ACSL1: variants seen among roughly 807,000 people sequenced by gnomAD.
The protein encoded by ACSL1 is long-chain-fatty-acid--CoA ligase 1.
In ACSL1, 41 loss-of-function variants were observed where a neutral mutation model predicts 98.4. The observed-to-expected ratio is 0.42, with a 90% CI of 0.32 to 0.54. ACSL1 has a LOEUF of 0.54. Among genes scored for constraint, ACSL1 ranks in the 20% least tolerant of loss-of-function variants. The pLI, the probability that ACSL1 is intolerant of heterozygous loss-of-function variation, is 0.13. For missense variants in ACSL1, 734 were observed against 883.1 expected, an observed-to-expected ratio of 0.83 and a Z score of 2.14; for synonymous variants, 316 against 322.7, an observed-to-expected ratio of 0.98 and a Z score of 0.22.
chr4:184,786,865 T>G (rs1447568738), intron 3 of ACSL1, among the ~76,000 whole-genome samples: 1 of 152,070 alleles, frequency 6.6e-6, no homozygotes, highest in East Asian at 1.9e-4. Context: ...AGCTAACTTT[T>G]GTATTTTTAG....
At chr4:184,806,006 T>C (rs1490837288) in intron 1 of ACSL1, among the ~76,000 whole-genome samples, 7 of 152,242 alleles carry the variant, frequency 4.6e-5, no homozygotes, top group Non-Finnish European at 7.3e-5. Context: ...CAGAGCATGC[T>C]GACAGCAGAT....
At chr4:184,810,837 C>G (rs1002456670) in intron 1 of ACSL1, among the ~76,000 whole-genome samples, 5 of 152,150 alleles carry the variant, frequency 3.3e-5, no homozygotes, top group Non-Finnish European at 7.3e-5. Context: ...AGGTGCTGTG[C>G]TACGGGACTG....
At position 184,803,582 on chromosome 4, in the gene ACSL1, G is replaced by A. The variant is rs1241566295; in HGVS notation, c.-32-36C>T. 7.3e-7 allele frequency: 1 copy of A among 1,362,254 alleles called. No individual in the cohort carries two copies. Among genetic ancestry groups the A allele is most frequent in the Admixed American group, 2.8e-5 (1 of 35,388 alleles). The allele number at this position is 1,362,254 out of a possible 1,614,324, so 84.4% of individuals were successfully genotyped here. A position where few individuals can be genotyped will look rare whatever the true frequency, so the allele number is the denominator to read the frequency against. On this transcript the variant is annotated intron_variant, in intron 1 of 20. Coordinates refer to ENST00000281455, the MANE Select transcript of ACSL1 (RefSeq NM_001995.5). The surrounding 1 kb of genome is among the most constrained non-coding windows in gnomAD (Gnocchi z 4.8). ...AGAAAAATGTCACGTTCGTTCCAGG[G>A]AAGCAGGACCCCTCTCCAGAACTCC...
intron 1 of ACSL1, among the ~76,000 whole-genome samples, chr4:184,824,940 A>C (rs1259879891): frequency 6.6e-6 from 1 of 152,232 alleles, no homozygotes; most frequent in Non-Finnish European, 1.5e-5. Context: ...AATGGGTGGC[A>C]GAAACTGCAA....
At chr4:184,761,113 AC>A (rs1762800467) in intron 17 of ACSL1, among the ~76,000 whole-genome samples, 4 of 151,924 alleles carry the variant, frequency 2.6e-5, no homozygotes, top group Non-Finnish European at 5.9e-5. Context: ...CCCCGGGGCC[AC>A]TCTCATGCCT....
intron 18 of ACSL1, among the ~76,000 whole-genome samples, chr4:184,759,672 A>C (rs1242287098): frequency 1.3e-5 from 2 of 152,198 alleles, no homozygotes; most frequent in Non-Finnish European, 2.9e-5. Flanking sequence ...ATCATTAAAA[A>C]GTCAGGAAAC....
chr4:184,788,249 T>A (rs1051582915), intron 3 of ACSL1: 3 of 359,864 alleles, frequency 8.3e-6, no homozygotes, highest in Non-Finnish European at 1.6e-5. Flanking sequence ...GATGTCAGTA[T>A]TTCTTTCTCA....
intron 2 of ACSL1, among the ~76,000 whole-genome samples, chr4:184,792,414 A>G (rs10022018): frequency 0.52 from 78,482 of 151,990 alleles, 21,254 homozygotes; most frequent in African/African-American, 0.67. Flanking sequence ...GGCTCTATGA[A>G]AAGACCACAC....
intron 10 of ACSL1, among the ~76,000 whole-genome samples, 191 bp from the exon 11 acceptor site, chr4:184,770,667 T>C (rs1399329588): frequency 6.6e-6 from 1 of 152,074 alleles, no homozygotes; most frequent in Non-Finnish European, 1.5e-5. Context: ...GTAACACACC[T>C]GCACGTTGTG....
At chr4:184,770,022 T>C (rs1424239641) in intron 11 of ACSL1, among the ~76,000 whole-genome samples, 1 of 152,288 alleles carries the variant, frequency 6.6e-6, no homozygotes, top group East Asian at 1.9e-4. Context: ...CTGGGCTTTG[T>C]AGAACTGAAT....
At chr4:184,810,064 A>G (rs1242661575) in intron 1 of ACSL1, among the ~76,000 whole-genome samples, 2 of 152,198 alleles carry the variant, frequency 1.3e-5, no homozygotes, top group Non-Finnish European at 2.9e-5. Flanking sequence ...GAACAGGAGA[A>G]ATTTTGTCCT....
intron 7 of ACSL1, among the ~76,000 whole-genome samples, chr4:184,774,830 A>G (rs553826424): frequency 4.7e-4 from 72 of 152,346 alleles, no homozygotes; most frequent in Non-Finnish European, 9.3e-4. Context: ...TAAATGATGT[A>G]GTGACAGACC....
In ACSL1 at chr4:184,766,626, A is replaced by G. The variant is rs1442833590; in HGVS notation, c.1259T>C (p.Val420Ala). Residue 420 changes from valine to alanine, a missense_variant, in exon 13 of 21, where the codon GTA becomes GCA. By Grantham distance (64) the Val-to-Ala change is moderately conservative. Coordinates refer to ENST00000281455, the MANE Select transcript of ACSL1 (RefSeq NM_001995.5). This position sits in a 1 kb window ranked among gnomAD's most constrained non-coding sequence, Gnocchi z 4.8. ...TGGCTGTGAGTCACGTGTTACCTGT[A>G]CTTTGTGGAAGATCAGCCGGTCCCA... Reference protein sequence around the residue: ...SLWDRLIFHKVQSSLGGRVRL... With the variant: ...SLWDRLIFHKAQSSLGGRVRL... 1 of 1,613,948 alleles carries G rather than the reference A, an allele frequency of 6.2e-7. No homozygotes were observed.
intron 1 of ACSL1, among the ~76,000 whole-genome samples, chr4:184,804,934 G>A (rs527784676): frequency 7.9e-5 from 12 of 152,268 alleles, no homozygotes; most frequent in Admixed American, 2.6e-4. Context: ...AGAAGCTTCT[G>A]CACAGCAAAA....
At chr4:184,783,411 AG>A in intron 4 of ACSL1, among the ~76,000 whole-genome samples, 1 of 152,280 alleles carries the variant, frequency 6.6e-6, no homozygotes, top group South Asian at 2.1e-4. Flanking sequence ...GAGTTGGCCA[AG>A]GACAGCTTTG....
chr4:184,788,905 T>G (rs1455013315), intron 2 of ACSL1, among the ~76,000 whole-genome samples, 174 bp from the exon 3 acceptor site: 2 of 152,222 alleles, frequency 1.3e-5, no homozygotes, highest in Admixed American at 6.5e-5. Context: ...TACATTGTTA[T>G]TAACTACAGT....
intron 2 of ACSL1, among the ~76,000 whole-genome samples, chr4:184,791,353 A>C (rs1768327795): frequency 6.6e-6 from 1 of 152,220 alleles, no homozygotes; most frequent in African/African-American, 2.4e-5. Context: ...AGAAGAGTGC[A>C]GGGAGAGTCA....
At chr4:184,765,093 C>T (rs1763390022) in intron 14 of ACSL1, among the ~76,000 whole-genome samples, 168 bp from the exon 15 acceptor site, 1 of 152,152 alleles carries the variant, frequency 6.6e-6, no homozygotes, top group African/African-American at 2.4e-5. Context: ...GTGCTTTACG[C>T]CAACACCAGC....
chr4:184,756,267 C>T lies in ACSL1; in HGVS notation c.*858G>A, dbSNP rs8086. Reference sequence around the variant, plus strand: ...AAGATAAAGTAGACAGTTATTCAGGCGTCACAGCTGAGCATGGCTGATCCA... The same window carrying T: ...AAGATAAAGTAGACAGTTATTCAGGTGTCACAGCTGAGCATGGCTGATCCA... On this transcript the variant is annotated 3_prime_UTR_variant, in exon 21 of 21. Transcript: ENST00000281455. 0.24 allele frequency: 36,607 copies of T among 152,542 alleles called. 5,625 individuals carry two copies. The highest frequency in any genetic ancestry group is 0.34 in the Non-Finnish European group (23,178 of 67,982). The allele number at this position is 152,542 out of a possible 1,614,324, so 9.4% of individuals were successfully genotyped here.
Sources: gnomAD v4.1 joint callset for allele counts (sites outside exome capture counted in the v4.1 genomes callset) on GRCh38, gnomAD v4.1.1 for gene constraint, Gnocchi (gnomAD v3.1) non-coding constraint, MANE v1.5 for transcripts, NCBI Gene and HGNC (gene_info 2026-07-23, HGNC 2026-07-21) for gene names.